The following ELAVL4 variants were observed in gnomAD, a reference collection of about 807,000 sequenced individuals.
ELAVL4 encodes ELAV-like protein 4.
In ELAVL4, 1 loss-of-function variant was observed where a neutral mutation model predicts 35.6. That is an observed-to-expected ratio of 0.03 (90% confidence interval 0.01 to 0.13). The LOEUF is 0.13. Among genes scored for constraint, ELAVL4 ranks in the 10% least tolerant of loss-of-function variants. The probability of loss-of-function intolerance (pLI) is 1.00; values close to 1 mark genes in which losing one functional copy is unlikely to be tolerated. For synonymous variants in ELAVL4, 156 were observed against 171.0 expected (o/e 0.91, Z 0.69); for missense variants, 267 against 464.9 (o/e 0.57, Z 3.91).
At chr1:50,109,577 G>C (rs1666710856) in intron 1 of ELAVL4, 1 of 388,912 alleles carries the variant, frequency 2.6e-6, no homozygotes, top group Non-Finnish European at 4.7e-6. Context: ...GTGGGGCTGG[G>C]GGTGGATGCA....
chr1:50,156,008 C>T (rs1321715026), intron 2 of ELAVL4, among the ~76,000 whole-genome samples: 3 of 151,636 alleles, frequency 2.0e-5, no homozygotes, highest in Admixed American at 2.0e-4. Flanking sequence ...ACTTTTCTGG[C>T]ATGCATGTGC....
intron 3 of ELAVL4, among the ~76,000 whole-genome samples, chr1:50,185,671 G>A (rs1681705548): frequency 6.6e-6 from 1 of 152,194 alleles, no homozygotes. Flanking sequence ...TGCTCCCCAG[G>A]ATGAAGATGA....
chr1:50,140,229 G>A (rs1038060969), intron 1 of ELAVL4, among the ~76,000 whole-genome samples: 1 of 152,220 alleles, frequency 6.6e-6, no homozygotes, highest in South Asian at 2.1e-4. Context: ...TTTCATTAAA[G>A]TACATATGCA....
intron 3 of ELAVL4, among the ~76,000 whole-genome samples, chr1:50,183,018 C>T (rs952952313): frequency 1.1e-4 from 16 of 151,830 alleles, no homozygotes; most frequent in African/African-American, 2.7e-4. Flanking sequence ...CCACCACGCC[C>T]GGCTGATTTT....
chr1:50,136,039 A>C (rs541974762), intron 1 of ELAVL4, among the ~76,000 whole-genome samples: 3 of 152,192 alleles, frequency 2.0e-5, no homozygotes, highest in South Asian at 4.1e-4. Context: ...ATTTCAAAAA[A>C]AAATATTAAC....
At chr1:50,060,564 C>T (rs1028877714) in intron 1 of ELAVL4, among the ~76,000 whole-genome samples, 5 of 152,200 alleles carry the variant, frequency 3.3e-5, no homozygotes, top group Non-Finnish European at 7.4e-5. Context: ...GAATCTCCTG[C>T]TCTTACTATG....
chr1:50,071,673 G>C (rs542447867), intron 1 of ELAVL4, among the ~76,000 whole-genome samples: 38 of 152,282 alleles, frequency 2.5e-4, no homozygotes, highest in African/African-American at 8.9e-4. Flanking sequence ...ACCAAGAGCT[G>C]TATCTGAACA....
intron 1 of ELAVL4, among the ~76,000 whole-genome samples, chr1:50,138,465 CT>C (rs71733060): frequency 0.3 from 43,793 of 146,174 alleles, 6,434 homozygotes; most frequent in Middle Eastern, 0.36. Flanking sequence ...TGAATGAGTG[CT>C]TTTTTTTTTT....
At position 50,109,015 on chromosome 1, in the gene ELAVL4, T is replaced by TCGGGGGGGGGGGG; in HGVS notation, c.-174_-173insGGGGGGGGGGGGC. The TCGGGGGGGGGGGG allele has an allele frequency of 2.5e-5, 24 of 960,696 alleles. No homozygotes were observed. The highest frequency in any genetic ancestry group is 5.5e-4 in the Middle Eastern group (1 of 1,828). 59.5% of individuals were successfully genotyped at this position (960,696 alleles called of 1,614,324 possible). A position where few individuals can be genotyped will look rare whatever the true frequency, so the allele number is the denominator to read the frequency against. ...GCTCCTTTTCTTTTTTTTCTTTCTC[T>TCGGGGGGGGGGGG]CCCCCGCCCACCCCCCCAAAAATAA... is the stretch of plus-strand genomic sequence containing the variant. On this transcript the variant is annotated 5_prime_UTR_variant, in exon 1 of 7. Coordinates refer to ENST00000371824, the MANE Select transcript of ELAVL4 (RefSeq NM_001144774.3).
chr1:50,170,884 T>C (rs1678878429), intron 2 of ELAVL4, among the ~76,000 whole-genome samples: 1 of 151,974 alleles, frequency 6.6e-6, no homozygotes, highest in Non-Finnish European at 1.5e-5. Flanking sequence ...ACAAATAAAT[T>C]TAGCCAGGTG....
At chr1:50,051,410 G>A (rs1663375608) in intron 1 of ELAVL4, among the ~76,000 whole-genome samples, 1 of 152,182 alleles carries the variant, frequency 6.6e-6, no homozygotes, top group Non-Finnish European at 1.5e-5. Flanking sequence ...TAAGACATGA[G>A]AAATCAGTCT....
At position 50,123,504 on chromosome 1, in the gene ELAVL4, C is replaced by T. The variant is rs536335999; in HGVS notation, c.9+14306C>T. Among the ~76,000 whole-genome samples, 579 of 152,098 alleles carry T rather than the reference C, an allele frequency of 3.8e-3. 2 individuals are homozygous for T. The highest frequency in any genetic ancestry group is 6.8e-3 in the Non-Finnish European group (464 of 67,938). ...TAAGCCTAAAAATAATGTATTTTTT[C>T]ACTCTCCCAGTGCTGTTTTGTTTGT... On this transcript the variant is annotated intron_variant, in intron 1 of 6. Coordinates refer to ENST00000371824, the MANE Select transcript of ELAVL4 (RefSeq NM_001144774.3).
intron 2 of ELAVL4, among the ~76,000 whole-genome samples, chr1:50,166,696 C>T (rs1009525424): frequency 7.9e-5 from 12 of 152,160 alleles, no homozygotes; most frequent in Non-Finnish European, 7.3e-5. Flanking sequence ...AATCACAGGG[C>T]GTGGTAATAC....
upstream of ELAVL4, among the ~76,000 whole-genome samples, chr1:50,104,637 C>A (rs1416686542): frequency 6.6e-6 from 1 of 152,148 alleles, no homozygotes; most frequent in Admixed American, 6.5e-5. Context: ...TAATTTTGTC[C>A]AGCCAAGAAA....
At chr1:50,199,206 C>T (rs1644251701) in intron 6 of ELAVL4, among the ~76,000 whole-genome samples, 1 of 152,172 alleles carries the variant, frequency 6.6e-6, no homozygotes, top group Non-Finnish European at 1.5e-5. Context: ...AGCATATATT[C>T]AGTAGCCATT....
chr1:50,171,041 CA>C (rs533733996), intron 2 of ELAVL4, among the ~76,000 whole-genome samples: 2 of 151,904 alleles, frequency 1.3e-5, no homozygotes, highest in East Asian at 1.9e-4. Flanking sequence ...AGCAAACAAA[CA>C]AAAAAACCCC....
At chr1:50,122,966 T>C (rs760486483) in intron 1 of ELAVL4, among the ~76,000 whole-genome samples, 8 of 152,026 alleles carry the variant, frequency 5.3e-5, no homozygotes, top group Non-Finnish European at 1.2e-4. Flanking sequence ...TCTGTAAATA[T>C]GTAGTAGTAA....
rs945094296 is a variant in ELAVL4, at chr1:50,048,209, C to T, written c.18+27C>T. On this transcript the variant is annotated intron_variant, in intron 1 of 6. Coordinates refer to the ELAVL4 transcript ENST00000448907. ...TAGAAGCGCCTCGGCGCAGGCCCCGCACCCCCGACTCTGCCCGCCCTCTGT... is the reference window on the plus strand; with the variant it reads ...TAGAAGCGCCTCGGCGCAGGCCCCGTACCCCCGACTCTGCCCGCCCTCTGT... The T allele has an allele frequency of 5.3e-6, 8 of 1,507,948 alleles. No homozygotes were observed. In the African/African-American group the frequency reaches 1.1e-4, roughly 22 times the overall value. 93.4% of individuals were successfully genotyped at this position (1,507,948 alleles called of 1,614,324 possible).
At chr1:50,096,826 A>G (rs1665736427) in intron 1 of ELAVL4, among the ~76,000 whole-genome samples, 1 of 152,136 alleles carries the variant, frequency 6.6e-6, no homozygotes. Flanking sequence ...CAAAATTCAG[A>G]GAGTATCTTT....
Sources: allele counts gnomAD v4.1 joint callset (sites outside exome capture counted in the v4.1 genomes callset), GRCh38; gene constraint gnomAD v4.1.1; transcripts MANE v1.5; gene names NCBI Gene and HGNC (gene_info 2026-07-23, HGNC 2026-07-21).